The following RIMS1 variants were observed in gnomAD, a reference collection of about 807,000 sequenced individuals.
RIMS1 encodes regulating synaptic membrane exocytosis 1.
In RIMS1, 83 loss-of-function variants were observed where a neutral mutation model predicts 214.1. The ratio of observed to expected loss-of-function variants is 0.39; its 90% confidence interval spans 0.32 to 0.47. The LOEUF is 0.47. RIMS1 is among the 20% of genes least tolerant of loss of function. RIMS1 has a pLI of 0.99. For synonymous variants in RIMS1, 793 were observed against 786.8 expected (o/e 1.01, Z -0.13); for missense variants, 2,050 against 2,161.8 (o/e 0.95, Z 1.03).
chr6:71,919,040 A>G lies in RIMS1; in HGVS notation c.164+31853A>G, dbSNP rs566090287. Among the ~76,000 whole-genome samples, 8 of 152,294 alleles carry G rather than the reference A, an allele frequency of 5.3e-5. No homozygotes were observed. The East Asian group carries it at 1.4e-3, about 26-fold the overall frequency. On this transcript the variant is annotated intron_variant, in intron 1 of 33. Coordinates refer to ENST00000521978, the MANE Select transcript of RIMS1 (RefSeq NM_014989.7). ...CCTTAAGTTTTTAAACAAAAGAACA[A>G]CGTAGTTAGATGTGGGTTTCAGGAA... is the stretch of plus-strand genomic sequence containing the variant.
chr6:71,953,482 A>ATTTT (rs1375539234), intron 1 of RIMS1, among the ~76,000 whole-genome samples: 1 of 152,102 alleles, frequency 6.6e-6, no homozygotes, highest in Admixed American at 6.5e-5. Flanking sequence ...ATGAGTCAAT[A>ATTTT]TTTTTGAACA....
Position 72,263,783 on chromosome 6 carries a change from G to A in RIMS1, c.3117-1192G>A, listed in dbSNP as rs1407548485. The A allele has an allele frequency of 1.5e-5, 11 of 748,952 alleles. 1 individual carries two copies. In the East Asian group the frequency reaches 1.1e-3, roughly 72 times the overall value. The allele number at this position is 748,952 out of a possible 1,614,324, so 46.4% of individuals were successfully genotyped here. ...GTTTGAGACCAGTGTGGCCAACATG[G>A]TGAAACCCCGTCTCTACTAAAACAC... On this transcript the variant is annotated intron_variant, in intron 19 of 33. Coordinates refer to ENST00000521978, the MANE Select transcript of RIMS1 (RefSeq NM_014989.7).
intron 2 of RIMS1, among the ~76,000 whole-genome samples, chr6:72,057,350 T>C (rs939905349): frequency 6.6e-6 from 1 of 152,128 alleles, no homozygotes; most frequent in Non-Finnish European, 1.5e-5. Flanking sequence ...GCATATATTA[T>C]CTAACTAAAA....
chr6:72,258,841 C>G (rs1453514112), intron 17 of RIMS1, 145 bp from the exon 18 acceptor site: 16 of 754,512 alleles, frequency 2.1e-5, no homozygotes, highest in Non-Finnish European at 8.9e-6. Flanking sequence ...ATACCCTTAA[C>G]TCATTGATAA....
chr6:72,247,569 G>A (rs2070757846), intron 11 of RIMS1, among the ~76,000 whole-genome samples: 1 of 151,120 alleles, frequency 6.6e-6, no homozygotes, highest in African/African-American at 2.4e-5. Flanking sequence ...AAGATAGATG[G>A]TATATCTGAT....
intron 1 of RIMS1, among the ~76,000 whole-genome samples, chr6:71,962,658 A>G (rs1489081827): frequency 2.0e-5 from 3 of 152,154 alleles, no homozygotes; most frequent in Non-Finnish European, 2.9e-5. Flanking sequence ...ACATGAATAT[A>G]CAAATTTTTA....
chr6:72,324,263 A>G (rs1487244600), intron 28 of RIMS1, among the ~76,000 whole-genome samples: 1 of 152,032 alleles, frequency 6.6e-6, no homozygotes, highest in East Asian at 1.9e-4. Context: ...GACGTGAAAA[A>G]TATATAAAAT....
rs1352000605 is a variant in RIMS1, at chr6:72,103,812, T to G, written c.471+3826T>G. On this transcript the variant is annotated intron_variant, in intron 4 of 33. Coordinates refer to ENST00000521978, the MANE Select transcript of RIMS1 (RefSeq NM_014989.7). ...ATTTTTATCAATGTTTGTTATTGTC[T>G]TTTTGATTAGGAGCCATCATATTGC... Among the ~76,000 whole-genome samples the G allele has an allele frequency of 2.6e-5, 4 of 152,160 alleles. No homozygotes were observed. In the East Asian group the frequency reaches 7.7e-4, roughly 29 times the overall value.
intron 2 of RIMS1, among the ~76,000 whole-genome samples, chr6:72,007,825 A>G (rs1021362686): frequency 1.1e-4 from 17 of 152,254 alleles, no homozygotes; most frequent in African/African-American, 4.1e-4. Flanking sequence ...GGACTATGTG[A>G]AAAGACCAAA....
chr6:72,045,284 G>A (rs985589328), intron 2 of RIMS1, among the ~76,000 whole-genome samples: 1 of 151,708 alleles, frequency 6.6e-6, no homozygotes, highest in East Asian at 1.9e-4. Context: ...ACTAAAATAT[G>A]ATGAGTCGTA....
rs763963051 is a variant in RIMS1 at position 72,248,134 on chromosome 6, A to G, written c.2241+7A>G. The G allele has an allele frequency of 6.3e-7, 1 of 1,578,316 alleles. No homozygotes were observed. Among genetic ancestry groups the G allele is most frequent in the South Asian group, 1.1e-5 (1 of 88,836 alleles). On this transcript the variant is annotated splice_region_variant and intron_variant, in intron 12 of 33. Transcript: ENST00000521978. ...CTTACCAGGGCAACTTTCTGTATGT[A>G]TTTTTTGTACATGTTGGAGGCTGTT... is the stretch of plus-strand genomic sequence containing the variant.
chr6:72,115,954 G>A (rs1217595058), intron 4 of RIMS1, among the ~76,000 whole-genome samples: 1 of 151,788 alleles, frequency 6.6e-6, no homozygotes, highest in Non-Finnish European at 1.5e-5. Flanking sequence ...AGAGACTATG[G>A]CTAGCAGAAA....
chr6:72,223,843 G>A (rs142623768), intron 6 of RIMS1, among the ~76,000 whole-genome samples: 2,292 of 151,590 alleles, frequency 0.015, 22 homozygotes, highest in South Asian at 0.026. Flanking sequence ...AGTTACTCGG[G>A]AGGCTGAGGC....
rs2154458430 is a variant in RIMS1 at position 72,399,071 on chromosome 6, A to G, written c.4837A>G (p.Ser1613Gly). The G allele has an allele frequency of 1.9e-6, 3 of 1,608,730 alleles. No individual in the cohort carries two copies. Among genetic ancestry groups the G allele is most frequent in the Non-Finnish European group, 2.5e-6 (3 of 1,177,134 alleles). ...TCAGCAGTCTCTGGTTTTTGATGAA[A>G]GTCCACAGGGTAAAGTTCTTCAGGT... Reference protein sequence around the residue: ...LYQQSLVFDESPQGKVLQVIV... With the variant: ...LYQQSLVFDEGPQGKVLQVIV... The change falls in exon 33 of 34, where the codon AGT becomes GGT. Residue 1613 changes from serine (S) to glycine (G), a missense_variant. Transcript: ENST00000521978.
chr6:71,989,235 A>C (rs776977596), intron 2 of RIMS1, among the ~76,000 whole-genome samples: 1 of 152,246 alleles, frequency 6.6e-6, no homozygotes, highest in Non-Finnish European at 1.5e-5. Context: ...CAAATTAAAA[A>C]TAATGCTTCT....
In RIMS1 at chr6:72,226,140, TG is replaced by T. The variant is rs566494071; in HGVS notation, c.1679-7632del. Among the ~76,000 whole-genome samples the T allele has an allele frequency of 7.2e-5, 11 of 152,220 alleles. No individual in the cohort carries two copies. The South Asian group carries it at 2.3e-3, about 32-fold the overall frequency. On this transcript the variant is annotated intron_variant, in intron 6 of 33. Transcript: ENST00000521978. ...ACTAAGTTGTGTGCGCATGCATGTG[TG>T]TGTATGTGTTTGTGTGTTTGTTGTT...
intron 27 of RIMS1, 46 bp from the exon 28 acceptor site, chr6:72,313,460 C>A (rs749032625): frequency 4.0e-5 from 62 of 1,564,366 alleles, no homozygotes; most frequent in Non-Finnish European, 5.3e-5. Flanking sequence ...ATGTTTTTTC[C>A]ATTGTCTAAT....
At position 72,182,551 on chromosome 6, in the gene RIMS1, C is replaced by T. The variant is rs1482168284; in HGVS notation, c.1080C>T (p.Asn360=). The stretch of plus-strand genomic sequence containing the variant: ...AGACCAGGTACCGCAGCGACCCGAA[C>T]CTAGCTCGGTACCCGGTGAAACCGC... ...DYQTRYRSDP[N]LARYPVKPPP... Residue 360 remains asparagine (N), a synonymous_variant, in exon 6 of 34, where the codon AAC becomes AAT. Transcript: ENST00000521978. 2 of 1,554,190 alleles carry T rather than the reference C, an allele frequency of 1.3e-6. No individual in the cohort carries two copies. Among genetic ancestry groups the T allele is most frequent in the African/African-American group, 1.4e-5 (1 of 73,204 alleles).
At chr6:72,069,933 A>G (rs752261748) in intron 2 of RIMS1, among the ~76,000 whole-genome samples, 1 of 152,236 alleles carries the variant, frequency 6.6e-6, no homozygotes, top group African/African-American at 2.4e-5. Flanking sequence ...GCTCAGAATA[A>G]CTATATGAAT....
Sources: gnomAD v4.1 joint callset for allele counts (sites outside exome capture counted in the v4.1 genomes callset) on GRCh38, gnomAD v4.1.1 for gene constraint, MANE v1.5 for transcripts, NCBI Gene and HGNC (gene_info 2026-07-23, HGNC 2026-07-21) for gene names.